C11orf65: variants seen among roughly 807,000 people sequenced by gnomAD.
The protein encoded by C11orf65 is chromosome 11 open reading frame 65.
A neutral mutation model predicts 35.3 loss-of-function variants in C11orf65; 38 were observed. The ratio of observed to expected loss-of-function variants is 1.08; its 90% confidence interval spans 0.83 to 1.41. The LOEUF (loss-of-function observed/expected upper bound fraction) is 1.41. Ranked by LOEUF, C11orf65 falls within the 40% of genes most tolerant of loss-of-function variation. The pLI is 0.00. For synonymous variants in C11orf65, 105 were observed against 114.4 expected, an observed-to-expected ratio of 0.92 and a Z score of 0.53; for missense variants, 370 against 367.1, an observed-to-expected ratio of 1.01 and a Z score of -0.06.
Position 108,461,480 on chromosome 11 carries a change from A to G in C11orf65, c.80T>C (p.Leu27Pro). 1 of 1,600,102 alleles carries G rather than the reference A, an allele frequency of 6.2e-7. No homozygotes were observed. ...RVIQQAWKSF[L>P]NVAIFQHFKS... ...AATAAAACTTCTAAATAAACTCACAAGGAAACTTTTCCAGGCCTGCTGAAT... is the reference window on the plus strand; with the variant it reads ...AATAAAACTTCTAAATAAACTCACAGGGAAACTTTTCCAGGCCTGCTGAAT... Residue 27 changes from leucine (L) to proline (P), a missense_variant and splice_region_variant, in exon 2 of 9, where the codon CTT becomes CCT. Coordinates refer to ENST00000393084, the MANE Select transcript of C11orf65 (RefSeq NM_152587.5).
At chr11:108,378,075 C>G (rs1462755603), downstream of C11orf65, among the ~76,000 whole-genome samples, 1 of 151,760 alleles carries the variant, frequency 6.6e-6, no homozygotes, top group East Asian at 1.9e-4. Flanking sequence ...TTTATAGATT[C>G]AATGCCATCC....
chr11:108,366,049 CAG>C (rs1393734883), intron 2 of C11orf65: 10 of 137,270 alleles, frequency 7.3e-5, no homozygotes, highest in African/African-American at 1.1e-4. Context: ...AAAAAAAAAA[CAG>C]AAACGTATTT....
chr11:108,444,853 G>C (rs1399899501), intron 2 of C11orf65, among the ~76,000 whole-genome samples: 1 of 152,174 alleles, frequency 6.6e-6, no homozygotes, highest in African/African-American at 2.4e-5. Flanking sequence ...CCCTTTCCTA[G>C]TCAAAGAAAG....
At chr11:108,394,234 C>T (rs1030906282) in intron 6 of C11orf65, among the ~76,000 whole-genome samples, 3 of 151,192 alleles carry the variant, frequency 2.0e-5, no homozygotes, top group African/African-American at 7.3e-5. Flanking sequence ...TTTTATTCCC[C>T]TTTTAGAGAT....
In C11orf65 at chr11:108,386,082, G is replaced by C. The variant is rs960372683; in HGVS notation, c.732-107C>G. 5.4e-5 allele frequency: 48 copies of C among 883,012 alleles called. No individual in the cohort carries two copies. In the Admixed American group the frequency reaches 9.6e-4, roughly 18 times the overall value. The allele number at this position is 883,012 out of a possible 1,614,324, so 54.7% of individuals were successfully genotyped here. A position where few individuals can be genotyped will look rare whatever the true frequency, so the allele number is the denominator to read the frequency against. ...AGAAATCTTAGATTAATGATGGCAT[G>C]TTCACTAGCCTCCATGTGTAACTCT... On this transcript the variant is annotated intron_variant, in intron 7 of 8. Coordinates refer to ENST00000393084, the MANE Select transcript of C11orf65 (RefSeq NM_152587.5).
chr11:108,386,234 G>A (rs533558757), intron 7 of C11orf65, among the ~76,000 whole-genome samples: 7 of 152,126 alleles, frequency 4.6e-5, no homozygotes, highest in Non-Finnish European at 1.0e-4. Flanking sequence ...CCTCTAGCAT[G>A]CCCCCTCATT....
chr11:108,335,096 G>C lies in C11orf65; in HGVS notation c.299+124C>G, dbSNP rs876659351. On this transcript the variant is annotated intron_variant, in intron 3 of 3. Coordinates refer to the C11orf65 transcript ENST00000524755. ...GTAGGTTCCGATGGCAAGGAGAGGA[G>C]ACAGCTTGTTAAGGTGAGCCTTCCC... 6.8e-6 allele frequency: 11 copies of C among 1,614,060 alleles called. No homozygotes were observed. The highest frequency in any genetic ancestry group is 9.3e-6 in the Non-Finnish European group (11 of 1,179,978).
intron 6 of C11orf65, among the ~76,000 whole-genome samples, chr11:108,396,259 A>ATT: frequency 6.6e-6 from 1 of 151,484 alleles, no homozygotes; most frequent in African/African-American, 2.4e-5. Context: ...GGCTTAGCTA[A>ATT]TTTTTGTATT....
downstream of C11orf65, chr11:108,327,642 C>G (rs898003667): frequency 1.2e-6 from 2 of 1,612,076 alleles, no homozygotes; most frequent in Admixed American, 3.3e-5. Context: ...CTTTCTTATA[C>G]AGAACAATCC....
At chr11:108,353,922 C>G (rs1342395364) in intron 2 of C11orf65, 2 of 1,538,836 alleles carry the variant, frequency 1.3e-6, no homozygotes, top group Non-Finnish European at 1.8e-6. Flanking sequence ...TTTTTGATGT[C>G]AAAATTACAT....
At chr11:108,443,772 C>G (rs1021378115) in intron 2 of C11orf65, among the ~76,000 whole-genome samples, 20 of 151,972 alleles carry the variant, frequency 1.3e-4, no homozygotes, top group Admixed American at 3.3e-4. Flanking sequence ...TGAAACCAAC[C>G]AGAACAAAGA....
exon 3 of C11orf65, chr11:108,335,284 T>C (rs1409163156): frequency 5.3e-6 from 8 of 1,517,042 alleles, no homozygotes; most frequent in Admixed American, 4.0e-5. Context: ...CTCCATTTTT[T>C]TTGTGTCTCT....
At chr11:108,386,712 A>T (rs1448023974) in intron 7 of C11orf65, among the ~76,000 whole-genome samples, 1 of 152,134 alleles carries the variant, frequency 6.6e-6, no homozygotes, top group East Asian at 1.9e-4. Context: ...ACCCACTTTA[A>T]TCAAAAAATC....
At chr11:108,417,088 C>G (rs901574132) in intron 3 of C11orf65, among the ~76,000 whole-genome samples, 2 of 152,054 alleles carry the variant, frequency 1.3e-5, no homozygotes, top group African/African-American at 4.8e-5. Context: ...AAGGCCATAA[C>G]ATGTTGAAAA....
chr11:108,440,642 G>T (rs2093137514), intron 2 of C11orf65, among the ~76,000 whole-genome samples: 1 of 152,168 alleles, frequency 6.6e-6, no homozygotes, highest in Admixed American at 6.5e-5. Context: ...ATTCACTTCA[G>T]CATGGCAGTT....
intron 6 of C11orf65, among the ~76,000 whole-genome samples, chr11:108,316,881 G>A (rs1046542219): frequency 9.9e-5 from 15 of 151,654 alleles, no homozygotes; most frequent in South Asian, 6.2e-4. Flanking sequence ...AGCCGAGATC[G>A]CGCCACTGCA....
intron 2 of C11orf65, among the ~76,000 whole-genome samples, chr11:108,343,983 A>T (rs1484243157): frequency 6.6e-6 from 1 of 152,178 alleles, no homozygotes; most frequent in Non-Finnish European, 1.5e-5. Context: ...AATATCAAAT[A>T]TTACGACTAA....
rs534494756 is a variant in C11orf65, at chr11:108,342,135, G to GTGTTAA, written c.227-6844_227-6843insTTAACA. Among the ~76,000 whole-genome samples, 139 of 152,150 alleles carry GTGTTAA rather than the reference G, an allele frequency of 9.1e-4. 1 individual carries two copies. Among genetic ancestry groups the GTGTTAA allele is most frequent in the African/African-American group, 2.1e-3 (87 of 41,488 alleles). Reference sequence around the variant, plus strand: ...AGCTCATCAGCAATCATTAGTGTTAGTGTATTTTATGTGTGGCCCAAGGCA... The same window carrying GTGTTAA: ...AGCTCATCAGCAATCATTAGTGTTAGTGTTAATGTATTTTATGTGTGGCCCAAGGCA... On this transcript the variant is annotated intron_variant, in intron 2 of 3. Transcript: ENST00000524755.
intron 2 of C11orf65, among the ~76,000 whole-genome samples, chr11:108,444,806 A>G (rs2093224089): frequency 1.3e-5 from 2 of 152,150 alleles, no homozygotes; most frequent in Admixed American, 1.3e-4. Flanking sequence ...AGGGCAAGGC[A>G]TTGCCTCACT....
Sources: gnomAD v4.1 joint callset for allele counts (sites outside exome capture counted in the v4.1 genomes callset) on GRCh38, gnomAD v4.1.1 for gene constraint, MANE v1.5 for transcripts, NCBI Gene and HGNC (gene_info 2026-07-23, HGNC 2026-07-21) for gene names.